FBH1: variants seen among roughly 807,000 people sequenced by gnomAD.
FBH1 encodes the protein F-box DNA helicase 1.
In FBH1, 43 loss-of-function variants were observed where a neutral mutation model predicts 115.5. That is an observed-to-expected ratio of 0.37 (90% CI 0.29 to 0.48). FBH1 has a LOEUF of 0.48. Among genes scored for constraint, FBH1 ranks in the 20% least tolerant of loss-of-function variants. FBH1 has a pLI of 0.99. For synonymous variants in FBH1, 524 were observed against 507.8 expected, an observed-to-expected ratio of 1.03 and a Z score of -0.43; for missense variants, 1,001 against 1,337.3, an observed-to-expected ratio of 0.75 and a Z score of 3.92.
intron 1 of FBH1, among the ~76,000 whole-genome samples, chr10:5,896,162 C>T (rs1842991621): frequency 6.6e-6 from 1 of 152,118 alleles, no homozygotes; most frequent in South Asian, 2.1e-4. Context: ...CTTTTAGTTC[C>T]CCGTAGCAGA....
rs992528417 is a variant in FBH1, at chr10:5,923,806, C to T, written c.2398+110C>T. 15 of 998,510 alleles carry T rather than the reference C, an allele frequency of 1.5e-5. No homozygotes were observed. The highest frequency in any genetic ancestry group is 2.1e-5 in the Non-Finnish European group (14 of 659,394). 61.9% of individuals were successfully genotyped at this position (998,510 alleles called of 1,614,324 possible). A position where few individuals can be genotyped will look rare whatever the true frequency, so the allele number is the denominator to read the frequency against. On this transcript the variant is annotated intron_variant, in intron 16 of 20. Coordinates refer to ENST00000362091, the MANE Select transcript of FBH1 (RefSeq NM_178150.3). This position sits in a 1 kb window ranked among gnomAD's most constrained non-coding sequence, Gnocchi z 5.7. ...GGACCCGTTTCCCTCCAGAGAAGGG[C>T]GAGCTAGTGTTGCTGTCTTCCCATG... is the stretch of plus-strand genomic sequence containing the variant.
intron 1 of FBH1, 66 bp from the exon 2 acceptor site, chr10:5,902,954 G>C (rs912814836): frequency 6.7e-7 from 1 of 1,484,494 alleles, no homozygotes; most frequent in African/African-American, 1.4e-5. Flanking sequence ...TAATGTGCTG[G>C]CTAGCTTGTA....
Position 5,910,659 on chromosome 10 carries a change from ACTGT to A in FBH1, c.1021-276_1021-273del, listed in dbSNP as rs1305567428. On this transcript the variant is annotated intron_variant, in intron 5 of 20. Transcript: ENST00000362091. The surrounding 1 kb of genome is among the most constrained non-coding windows in gnomAD (Gnocchi z 4.8). ...GATGACAGGGAGCTCATATTTTTAG[ACTGT>A]CTCTCTGTCCAAGGTTCTATGTTAG... is the stretch of plus-strand genomic sequence containing the variant. Among the ~76,000 whole-genome samples the A allele has an allele frequency of 6.6e-6, 1 of 151,866 alleles. No individual in the cohort carries two copies. The highest frequency in any genetic ancestry group is 1.5e-5 in the Non-Finnish European group (1 of 67,958).
rs1831751259 is a variant in FBH1, at chr10:5,913,734, T to C, written c.1212-13T>C. 3 of 1,529,362 alleles carry C rather than the reference T, an allele frequency of 2.0e-6. No homozygotes were observed. In the East Asian group the frequency reaches 7.3e-5, roughly 37 times the overall value. 94.7% of individuals were successfully genotyped at this position (1,529,362 alleles called of 1,614,324 possible). A position where few individuals can be genotyped will look rare whatever the true frequency, so the allele number is the denominator to read the frequency against. On this transcript the variant is annotated splice_polypyrimidine_tract_variant and intron_variant, in intron 6 of 20. Transcript: ENST00000362091. The surrounding 1 kb of genome is among the most constrained non-coding windows in gnomAD (Gnocchi z 4.4). ...AATTTGAGACTTTCTAAATCTACTT[T>C]TTTTTCTGGTAGGATTCACTACAAC...
rs1211436296 is a variant in FBH1 at position 5,895,053 on chromosome 10, C to T, written c.1+4707C>T. On this transcript the variant is annotated intron_variant, in intron 1 of 20. Coordinates refer to ENST00000362091, the MANE Select transcript of FBH1 (RefSeq NM_178150.3). The surrounding 1 kb of genome is among the most constrained non-coding windows in gnomAD (Gnocchi z 5.0). ...TTGAAATTGGGCCATTCCCGTTTCACAGGCTGCCATTGGACCTGTCAAGTG... is the reference window on the plus strand; with the variant it reads ...TTGAAATTGGGCCATTCCCGTTTCATAGGCTGCCATTGGACCTGTCAAGTG... 2 of 1,609,360 alleles carry T rather than the reference C, an allele frequency of 1.2e-6. No homozygotes were observed. The highest frequency in any genetic ancestry group is 2.2e-5 in the South Asian group (2 of 90,734).
In FBH1 at chr10:5,900,746, T is replaced by C. The variant is rs1843297537; in HGVS notation, c.2-2274T>C. Among the ~76,000 whole-genome samples, 2 of 152,278 alleles carry C rather than the reference T, an allele frequency of 1.3e-5. No individual in the cohort carries two copies. The highest frequency in any genetic ancestry group is 4.1e-4 in the South Asian group (2 of 4,824). ...GCTAGGGAGGAATAATGAAAAAATA[T>C]TGTAAACTATATCAGCTAAATCACT... On this transcript the variant is annotated intron_variant, in intron 1 of 20. Transcript: ENST00000362091. The surrounding 1 kb of genome is among the most constrained non-coding windows in gnomAD (Gnocchi z 4.2).
chr10:5,893,260 T>G (rs183806333), intron 1 of FBH1, among the ~76,000 whole-genome samples: 1 of 152,328 alleles, frequency 6.6e-6, no homozygotes, highest in African/African-American at 2.4e-5. Context: ...GAGCCGAGAC[T>G]GTGCCATTGT....
rs1216341314 is a variant in FBH1, at chr10:5,918,584, T to G, written c.2100+106T>G. The G allele has an allele frequency of 5.1e-6, 7 of 1,364,338 alleles. No individual in the cohort carries two copies. The highest frequency in any genetic ancestry group is 6.7e-6 in the Non-Finnish European group (7 of 1,037,814). 84.5% of individuals were successfully genotyped at this position (1,364,338 alleles called of 1,614,324 possible). A position where few individuals can be genotyped will look rare whatever the true frequency, so the allele number is the denominator to read the frequency against. On this transcript the variant is annotated intron_variant, in intron 13 of 20. Transcript: ENST00000362091. This position sits in a 1 kb window ranked among gnomAD's most constrained non-coding sequence, Gnocchi z 4.0. ...CAGGCTCACCAGATCTAGCAAATCC[T>G]TGCTTCTAAGCCATGGTTCTCAAAG...
intron 2 of FBH1, among the ~76,000 whole-genome samples, chr10:5,903,689 A>T (rs1388569383): frequency 6.6e-6 from 1 of 152,170 alleles, no homozygotes; most frequent in Non-Finnish European, 1.5e-5. Flanking sequence ...GACAAGTGTG[A>T]TGGAATGAAT....
Position 5,906,919 on chromosome 10 carries a change from C to T in FBH1, c.753+287C>T, listed in dbSNP as rs996817610. ...TTCCCCTCCCTGGGTTGCTCTCATC[C>T]TCCCACCTTCCCCACCTGGAGGGTT... On this transcript the variant is annotated intron_variant, in intron 3 of 20. Coordinates refer to ENST00000362091, the MANE Select transcript of FBH1 (RefSeq NM_178150.3). This position sits in a 1 kb window ranked among gnomAD's most constrained non-coding sequence, Gnocchi z 7.3. 1.3e-5 allele frequency among the ~76,000 whole-genome samples: 2 copies of T among 152,104 alleles called. No homozygotes were observed. The highest frequency in any genetic ancestry group is 2.4e-5 in the African/African-American group (1 of 41,422).
intron 1 of FBH1, among the ~76,000 whole-genome samples, chr10:5,902,056 G>A (rs1425366877): frequency 1.3e-5 from 2 of 152,046 alleles, no homozygotes; most frequent in Non-Finnish European, 2.9e-5. Flanking sequence ...AATTCTAGGC[G>A]CAATTGTTGC....
In FBH1 at chr10:5,917,329, C is replaced by T. The variant is rs1424207638; in HGVS notation, c.1789-91C>T. 2.9e-6 allele frequency: 3 copies of T among 1,051,992 alleles called. No individual in the cohort carries two copies. Among genetic ancestry groups the T allele is most frequent in the Non-Finnish European group, 4.4e-6 (3 of 687,296 alleles). 65.2% of individuals were successfully genotyped at this position (1,051,992 alleles called of 1,614,324 possible). The stretch of plus-strand genomic sequence containing the variant: ...CCCCTTCTGTGAGGATGCCCTGGCT[C>T]CACTGCTGTATGGGAGTTGACAGTG... On this transcript the variant is annotated intron_variant, in intron 10 of 20. Transcript: ENST00000362091. The surrounding 1 kb of genome is among the most constrained non-coding windows in gnomAD (Gnocchi z 5.6).
chr10:5,900,735 A>G lies in FBH1; in HGVS notation c.2-2285A>G, dbSNP rs571930565. On this transcript the variant is annotated intron_variant, in intron 1 of 20. Coordinates refer to ENST00000362091, the MANE Select transcript of FBH1 (RefSeq NM_178150.3). This position sits in a 1 kb window ranked among gnomAD's most constrained non-coding sequence, Gnocchi z 4.2. ...TTTCTGAATTAGCTAGGGAGGAATA[A>G]TGAAAAAATATTGTAAACTATATCA... Among the ~76,000 whole-genome samples, 4 of 152,338 alleles carry G rather than the reference A, an allele frequency of 2.6e-5. No homozygotes were observed. The East Asian group carries it at 7.7e-4, about 29-fold the overall frequency.
chr10:5,890,180 G>C (rs905157341), upstream of FBH1: 27 of 332,802 alleles, frequency 8.1e-5, no homozygotes, highest in Non-Finnish European at 1.5e-4. Context: ...GGCGGCGGGC[G>C]CTTCCCGGGG....
intron 2 of FBH1, among the ~76,000 whole-genome samples, chr10:5,905,544 AAG>A (rs1843640278): frequency 6.6e-6 from 1 of 152,202 alleles, no homozygotes; most frequent in Admixed American, 6.5e-5. Flanking sequence ...ATAAATAAAA[AAG>A]AAATAAAAAT....
chr10:5,891,281 GT>G (rs1251565817), intron 1 of FBH1, among the ~76,000 whole-genome samples: 4 of 152,238 alleles, frequency 2.6e-5, no homozygotes, highest in African/African-American at 9.6e-5. Flanking sequence ...TAAGGTAACA[GT>G]GATGTGGATA....
chr10:5,903,250 G>T, intron 2 of FBH1, 75 bp downstream of exon 2: 1 of 1,218,810 alleles, frequency 8.2e-7, no homozygotes, highest in East Asian at 2.8e-5. Flanking sequence ...TAGTTTAAAA[G>T]TATTTGTAAA....
chr10:5,904,835 A>AT (rs923672608), intron 2 of FBH1, among the ~76,000 whole-genome samples: 32 of 151,206 alleles, frequency 2.1e-4, no homozygotes, highest in Admixed American at 9.2e-4. Context: ...AACCGTTATA[A>AT]TTTTTTTTTT....
At chr10:5,890,009 C>G (rs1318913767), upstream of FBH1, 1 of 251,366 alleles carries the variant, frequency 4.0e-6, no homozygotes, top group African/African-American at 2.3e-5. Context: ...AAGTTTCCCG[C>G]TCCGCCCCGG....
Sources: allele counts gnomAD v4.1 joint callset (sites outside exome capture counted in the v4.1 genomes callset), GRCh38; gene constraint gnomAD v4.1.1; non-coding constraint Gnocchi (gnomAD v3.1); transcripts MANE v1.5; gene names NCBI Gene and HGNC (gene_info 2026-07-23, HGNC 2026-07-21).